PCDHA8: variants seen among roughly 807,000 people sequenced by gnomAD.
PCDHA8 encodes protocadherin alpha-8.
PCDHA8 carries 53 observed loss-of-function variants against 61.8 expected under a neutral mutation model. The ratio of observed to expected loss-of-function variants is 0.86; its 90% CI spans 0.69 to 1.08. The LOEUF (loss-of-function observed/expected upper bound fraction) is 1.08. Among genes scored for constraint, PCDHA8 ranks in the 50% least tolerant of loss-of-function variants. PCDHA8 has a pLI of 0.00. For missense variants in PCDHA8, 1,293 were observed against 1,245.0 expected (o/e 1.04, Z -0.58); for synonymous variants, 618 against 556.6 (o/e 1.11, Z -1.55).
intron 1 of PCDHA8, among the ~76,000 whole-genome samples, chr5:140,885,615 AAT>A (rs1411025177): frequency 6.6e-6 from 1 of 152,162 alleles, no homozygotes; most frequent in African/African-American, 2.4e-5. Context: ...TTAATTATAA[AAT>A]ATGTCACTGG....
At chr5:140,863,166 G>T (rs782088342) in intron 1 of PCDHA8, 4 of 672,474 alleles carry the variant, frequency 5.9e-6, no homozygotes, top group African/African-American at 5.4e-5. Flanking sequence ...GCGAGCTGGC[G>T]CTGACTGCCA....
chr5:140,962,369 AT>A (rs1181838799), intron 1 of PCDHA8, among the ~76,000 whole-genome samples: 1 of 152,154 alleles, frequency 6.6e-6, no homozygotes, highest in Admixed American at 6.5e-5. Flanking sequence ...GGCTAGTTTG[AT>A]TTTATCTGTT....
chr5:140,842,766 C>A lies in PCDHA8; in HGVS notation c.1445C>A (p.Ala482Glu), dbSNP rs2150343854. ...CHIFTVSARD[A>E]DAQENALVSY... ...ATCTTCACGGTGTCTGCGCGAGACG[C>A]GGACGCGCAGGAGAACGCGCTGGTG... The change falls in exon 1 of 4, where the codon GCG becomes GAG. Residue 482 changes from alanine to glutamate, a missense_variant. Ala to Glu is a moderately radical substitution (Grantham distance 107, BLOSUM62 -1). Transcript: ENST00000531613. 6 of 1,594,742 alleles carry A rather than the reference C, an allele frequency of 3.8e-6. No individual in the cohort carries two copies. Among genetic ancestry groups the A allele is most frequent in the Non-Finnish European group, 5.1e-6 (6 of 1,165,424 alleles).
In PCDHA8 at chr5:140,857,359, G is replaced by C. The variant is rs200721411; in HGVS notation, c.2394+13644G>C. 31 of 1,598,398 alleles carry C rather than the reference G, an allele frequency of 1.9e-5. 2 individuals carry two copies. In the African/African-American group the frequency reaches 2.4e-4, roughly 12 times the overall value. The stretch of plus-strand genomic sequence containing the variant: ...GGGGCTCGCCTCCGCTGTGGGCCAC[G>C]GCCAGCGTGTCTGTGGAGGTGGCCG... On this transcript the variant is annotated intron_variant, in intron 1 of 3. Transcript: ENST00000531613.
At chr5:140,935,310 C>T (rs569890065) in intron 1 of PCDHA8, among the ~76,000 whole-genome samples, 2 of 152,200 alleles carry the variant, frequency 1.3e-5, no homozygotes, top group Non-Finnish European at 2.9e-5. Flanking sequence ...TACTTAACTT[C>T]ATCAATCTTA....
At chr5:140,935,473 AT>A (rs2090393235) in intron 1 of PCDHA8, among the ~76,000 whole-genome samples, 1 of 152,212 alleles carries the variant, frequency 6.6e-6, no homozygotes, top group African/African-American at 2.4e-5. Context: ...AGTTTTTGTC[AT>A]TCTTTTCATT....
At chr5:140,999,713 G>A (rs533034174) in intron 3 of PCDHA8, among the ~76,000 whole-genome samples, 2 of 152,226 alleles carry the variant, frequency 1.3e-5, no homozygotes, top group South Asian at 4.2e-4. Flanking sequence ...AGCTAACTAC[G>A]GAGACCAGCC....
intron 1 of PCDHA8, chr5:140,847,751 C>T (rs1781170062): frequency 1.3e-5 from 2 of 149,804 alleles, no homozygotes; most frequent in Non-Finnish European, 3.0e-5. Context: ...CCCCACGCAA[C>T]ACAAGACCTT....
At chr5:140,870,952 T>G in intron 1 of PCDHA8, 4 of 1,613,610 alleles carry the variant, frequency 2.5e-6, no homozygotes, top group Non-Finnish European at 3.4e-6. Flanking sequence ...GGCGGGCGGC[T>G]CGCGCATCCC....
Position 140,982,346 on chromosome 5 carries a change from G to T in PCDHA8, c.2454-129G>T, listed in dbSNP as rs1484322650. On this transcript the variant is annotated intron_variant, in intron 2 of 3. Coordinates refer to ENST00000531613, the MANE Select transcript of PCDHA8 (RefSeq NM_018911.3). ...TGACTGCTCAGCAGTAATTGCTTCA[G>T]TTCAAGCATGAGCAGAATGTGTTAG... 2.7e-6 allele frequency: 4 copies of T among 1,492,344 alleles called. No homozygotes were observed. The Admixed American group carries it at 8.5e-5, about 32-fold the overall frequency. The allele number at this position is 1,492,344 out of a possible 1,614,324, so 92.4% of individuals were successfully genotyped here. A position where few individuals can be genotyped will look rare whatever the true frequency, so the allele number is the denominator to read the frequency against.
chr5:140,990,524 G>T (rs782064217), intron 3 of PCDHA8, among the ~76,000 whole-genome samples: 2 of 151,978 alleles, frequency 1.3e-5, no homozygotes, highest in Non-Finnish European at 2.9e-5. Flanking sequence ...TGTCTTTTTT[G>T]ACTGTGCATC....
At position 141,010,334 on chromosome 5, in the gene PCDHA8, T is replaced by C; in HGVS notation, c.*397T>C. On this transcript the variant is annotated 3_prime_UTR_variant, in exon 4 of 4. Transcript: ENST00000531613. The stretch of plus-strand genomic sequence containing the variant: ...TGAGATTGAGCAGCTTGGGAGTTTG[T>C]GGCCACTGGGTATGTGTGGCTACCG... The C allele has an allele frequency of 2.0e-6, 3 of 1,537,004 alleles. No homozygotes were observed. The East Asian group carries it at 7.4e-5, about 38-fold the overall frequency.
chr5:141,009,825 T>A lies in PCDHA8; in HGVS notation c.2741T>A (p.Ile914Lys). ...AGCCAAATTGACAAAAGTGACTTCA[T>A]AACCTTCGGCAAAAAGGAGGAGACC... ...TNSQIDKSDF[I>K]TFGKKEETKK... is the part of the protein sequence containing the mutation. The change falls in exon 4 of 4, where the codon ATA (isoleucine) becomes AAA (lysine). Residue 914 changes from isoleucine to lysine, a missense_variant. Physicochemically the swap from Ile to Lys is moderately radical, Grantham distance 102. Coordinates refer to ENST00000531613, the MANE Select transcript of PCDHA8 (RefSeq NM_018911.3). 2 of 1,613,774 alleles carry A rather than the reference T, an allele frequency of 1.2e-6. No homozygotes were observed.
chr5:140,869,040 G>A, intron 1 of PCDHA8: 23 of 1,529,286 alleles, frequency 1.5e-5, no homozygotes, highest in Non-Finnish European at 1.9e-5. Flanking sequence ...TTTTTAACCT[G>A]AAACTGAAGA....
chr5:140,968,955 A>G, intron 1 of PCDHA8: 2 of 1,614,220 alleles, frequency 1.2e-6, no homozygotes, highest in Non-Finnish European at 1.7e-6. Flanking sequence ...AGCATCATCA[A>G]GTGCTACCGC....
chr5:140,880,801 GAA>G (rs1193515493), intron 1 of PCDHA8, among the ~76,000 whole-genome samples: 5 of 152,182 alleles, frequency 3.3e-5, no homozygotes, highest in African/African-American at 1.2e-4. Flanking sequence ...ATAAATAGGT[GAA>G]TGACTCTAGA....
At chr5:140,897,188 A>AT (rs1353420094) in intron 1 of PCDHA8, among the ~76,000 whole-genome samples, 5 of 152,104 alleles carry the variant, frequency 3.3e-5, no homozygotes, top group African/African-American at 7.2e-5. Flanking sequence ...CAAAAAATAT[A>AT]TTTTTTTATT....
chr5:140,915,488 C>T (rs2077146969), intron 1 of PCDHA8, among the ~76,000 whole-genome samples: 1 of 152,126 alleles, frequency 6.6e-6, no homozygotes, highest in Non-Finnish European at 1.5e-5. Flanking sequence ...GGGCCTCAAT[C>T]CCAATAATAC....
At chr5:140,897,543 C>A (rs1325895994) in intron 1 of PCDHA8, among the ~76,000 whole-genome samples, 2 of 152,044 alleles carry the variant, frequency 1.3e-5, no homozygotes, top group African/African-American at 4.8e-5. Flanking sequence ...GCTGCATAGT[C>A]TTCCATGGTG....
Sources: allele counts gnomAD v4.1 joint callset (sites outside exome capture counted in the v4.1 genomes callset), GRCh38; gene constraint gnomAD v4.1.1; transcripts MANE v1.5; gene names NCBI Gene and HGNC (gene_info 2026-07-23, HGNC 2026-07-21).